Variants in STAT3 observed in about 807,000 individuals in gnomAD.
STAT3 encodes signal transducer and activator of transcription 3, also known as DNA-binding protein APRF.
STAT3 carries 7 observed loss-of-function variants against 114.3 expected under a neutral mutation model. The ratio of observed to expected loss-of-function variants is 0.06; its 90% CI spans 0.03 to 0.11. The LOEUF (loss-of-function observed/expected upper bound fraction) is 0.11. Ranked by LOEUF, STAT3 falls within the 10% of genes least tolerant of loss-of-function variation. The pLI is 1.00. For synonymous variants in STAT3, 331 were observed against 354.5 expected (o/e 0.93, Z 0.74); for missense variants, 364 against 960.9 (o/e 0.38, Z 8.21).
chr17:42,333,161 T>G lies in STAT3; in HGVS notation c.1049+512A>C, dbSNP rs2082093588. On this transcript the variant is annotated intron_variant, in intron 10 of 23. Coordinates refer to ENST00000264657, the MANE Select transcript of STAT3 (RefSeq NM_139276.3). This position sits in a 1 kb window ranked among gnomAD's most constrained non-coding sequence, Gnocchi z 5.2. ...ATGCTGTGCAGCTGGCATTTTGTTCTATTAATCCTGAAACCGAACACCATA... is the reference window on the plus strand; with the variant it reads ...ATGCTGTGCAGCTGGCATTTTGTTCGATTAATCCTGAAACCGAACACCATA... 6.6e-6 allele frequency among the ~76,000 whole-genome samples: 1 copy of G among 152,206 alleles called. No individual in the cohort carries two copies. Among genetic ancestry groups the G allele is most frequent in the Admixed American group, 6.5e-5 (1 of 15,284 alleles).
chr17:42,329,988 A>T (rs2081925114), intron 11 of STAT3, among the ~76,000 whole-genome samples: 1 of 152,228 alleles, frequency 6.6e-6, no homozygotes, highest in Non-Finnish European at 1.5e-5. Flanking sequence ...CCTATGTTTC[A>T]TATTGCATAT....
chr17:42,329,320 G>A lies in STAT3; in HGVS notation c.1281+90C>T, dbSNP rs564990131. 1.7e-5 allele frequency: 26 copies of A among 1,573,854 alleles called. No homozygotes were observed. The African/African-American group carries it at 3.0e-4, about 18-fold the overall frequency. On this transcript the variant is annotated intron_variant, in intron 14 of 23. Coordinates refer to ENST00000264657, the MANE Select transcript of STAT3 (RefSeq NM_139276.3). ...ACTACAGCTGAAAGAACAGGTTGAT[G>A]TTTCTAATTCTGGGGATTAAGAAGG...
chr17:42,330,884 T>C (rs2144793563), intron 11 of STAT3, among the ~76,000 whole-genome samples: 1 of 152,294 alleles, frequency 6.6e-6, no homozygotes, highest in Middle Eastern at 3.4e-3. Flanking sequence ...AAAGAATATA[T>C]AACGACGTTT....
At chr17:42,348,259 G>T in intron 2 of STAT3, 130 bp downstream of exon 2, 1 of 1,353,346 alleles carries the variant, frequency 7.4e-7, no homozygotes, top group Non-Finnish European at 1.0e-6. Context: ...TTTATCTCCT[G>T]ATCTCATTTT....
At chr17:42,367,606 G>A (rs762937861) in intron 1 of STAT3, among the ~76,000 whole-genome samples, 3 of 152,008 alleles carry the variant, frequency 2.0e-5, no homozygotes, top group African/African-American at 4.8e-5. Context: ...CCCTCACTTC[G>A]TTCAGGTCTC....
chr17:42,353,901 T>C (rs966848467), intron 1 of STAT3, among the ~76,000 whole-genome samples: 5 of 152,098 alleles, frequency 3.3e-5, no homozygotes, highest in African/African-American at 1.2e-4. Context: ...TTATTTGTCT[T>C]GGATACAAAT....
rs571851227 is a variant in STAT3 at position 42,386,991 on chromosome 17, C to G, written c.-24+1288G>C. 2.2e-4 allele frequency: 34 copies of G among 152,218 alleles called. No homozygotes were observed. In the East Asian group the frequency reaches 6.6e-3, roughly 29 times the overall value. 9.4% of individuals were successfully genotyped at this position (152,218 alleles called of 1,614,324 possible). A position where few individuals can be genotyped will look rare whatever the true frequency, so the allele number is the denominator to read the frequency against. On this transcript the variant is annotated intron_variant, in intron 1 of 23. Coordinates refer to ENST00000264657, the MANE Select transcript of STAT3 (RefSeq NM_139276.3). Reference sequence around the variant, plus strand: ...AAATAAGATAGAAAACTGGCTGAACCAAGTCATAACACAGTCTAAATCCAC... The same window carrying G: ...AAATAAGATAGAAAACTGGCTGAACGAAGTCATAACACAGTCTAAATCCAC...
At chr17:42,380,368 C>T (rs1163760690) in intron 1 of STAT3, among the ~76,000 whole-genome samples, 1 of 150,610 alleles carries the variant, frequency 6.6e-6, no homozygotes, top group African/African-American at 2.4e-5. Context: ...TAAGCGTTAC[C>T]ACCCTAATTA....
chr17:42,329,282 A>G, intron 14 of STAT3, 128 bp downstream of exon 14: 1 of 1,405,822 alleles, frequency 7.1e-7, no homozygotes, highest in East Asian at 2.3e-5. Context: ...GCCTGAAGTG[A>G]CTTTTTGGAA....
chr17:42,375,878 C>A (rs557689921), intron 1 of STAT3, among the ~76,000 whole-genome samples: 1 of 150,116 alleles, frequency 6.7e-6, no homozygotes, highest in Non-Finnish European at 1.5e-5. Flanking sequence ...TAGAGCCGGG[C>A]GCAATGGCTC....
chr17:42,375,081 T>G (rs1486951434), intron 1 of STAT3, among the ~76,000 whole-genome samples: 1 of 152,200 alleles, frequency 6.6e-6, no homozygotes, highest in African/African-American at 2.4e-5. Context: ...AAAACCAACA[T>G]TAATCTGGTA....
At chr17:42,373,380 C>T (rs751607256) in intron 1 of STAT3, among the ~76,000 whole-genome samples, 2 of 151,110 alleles carry the variant, frequency 1.3e-5, no homozygotes, top group Non-Finnish European at 2.9e-5. Flanking sequence ...AAAGAAAACA[C>T]GTATCTACTA....
intron 10 of STAT3, among the ~76,000 whole-genome samples, chr17:42,331,762 T>A (rs1220112189): frequency 6.6e-6 from 1 of 152,038 alleles, no homozygotes; most frequent in Admixed American, 6.6e-5. Context: ...AGCCCACATC[T>A]ATAAAAAATT....
intron 1 of STAT3, among the ~76,000 whole-genome samples, chr17:42,356,523 GTA>G (rs896763430): frequency 8.3e-5 from 12 of 145,156 alleles, no homozygotes; most frequent in Non-Finnish European, 9.0e-5. Context: ...TTGTGTGTGT[GTA>G]TATATATATA....
chr17:42,362,850 C>T (rs1188487005), intron 1 of STAT3, among the ~76,000 whole-genome samples: 1 of 152,162 alleles, frequency 6.6e-6, no homozygotes, highest in Non-Finnish European at 1.5e-5. Flanking sequence ...AAGTTCCTGG[C>T]ACTCACTCTG....
chr17:42,376,146 G>A lies in STAT3; in HGVS notation c.-24+12133C>T, dbSNP rs533635658. On this transcript the variant is annotated intron_variant, in intron 1 of 23. Transcript: ENST00000264657. ...AGCCTGGGTGACAGAGTGAGACTCC[G>A]TCTCAAAAAAAAAAAGAGAAAGAAT... is the stretch of plus-strand genomic sequence containing the variant. Among the ~76,000 whole-genome samples the A allele has an allele frequency of 1.7e-3, 53 of 31,856 alleles. No homozygotes were observed. In the South Asian group the frequency reaches 0.028, roughly 17 times the overall value. The allele number at this position is 31,856 out of a possible 152,430, so 20.9% of individuals were successfully genotyped here. A position where few individuals can be genotyped will look rare whatever the true frequency, so the allele number is the denominator to read the frequency against.
chr17:42,387,896 C>A (rs561266895), intron 1 of STAT3: 4 of 186,144 alleles, frequency 2.1e-5, no homozygotes, highest in African/African-American at 2.3e-5. Flanking sequence ...TCCGACCCCC[C>A]ACTCGCGCCG....
intron 1 of STAT3, among the ~76,000 whole-genome samples, chr17:42,358,943 T>TC (rs2083371048): frequency 7.1e-6 from 1 of 141,684 alleles, no homozygotes; most frequent in African/African-American, 2.6e-5. Flanking sequence ...CTTTTTTTTT[T>TC]TTTTTTTTTG....
chr17:42,345,510 G>T, intron 4 of STAT3, 49 bp downstream of exon 4: 3 of 1,491,538 alleles, frequency 2.0e-6, no homozygotes, highest in African/African-American at 2.8e-5. Context: ...AAAGTTGTTT[G>T]ATTTTCCATT....
Sources: allele counts gnomAD v4.1 joint callset (sites outside exome capture counted in the v4.1 genomes callset), GRCh38; gene constraint gnomAD v4.1.1; non-coding constraint Gnocchi (gnomAD v3.1); transcripts MANE v1.5; gene names NCBI Gene and HGNC (gene_info 2026-07-23, HGNC 2026-07-21).